The following KANK1 variants were observed in gnomAD, a reference collection of about 807,000 sequenced individuals.
KANK1 encodes the protein KN motif and ankyrin repeat domain-containing protein 1.
Under a neutral mutation model 106.2 loss-of-function variants are expected in KANK1, and 109 were observed. The observed-to-expected ratio is 1.03, with a 90% CI of 0.88 to 1.20. The LOEUF (loss-of-function observed/expected upper bound fraction) is 1.20. Ranked by LOEUF, KANK1 falls within the 50% of genes most tolerant of loss-of-function variation. KANK1 has a pLI of 0.00. For missense variants in KANK1, 2,399 were observed against 1,710.7 expected, an observed-to-expected ratio of 1.40 and a Z score of -7.10; for synonymous variants, 873 against 652.2, an observed-to-expected ratio of 1.34 and a Z score of -5.16.
chr9:722,912 A>T (rs1564080396), intron 3 of KANK1, among the ~76,000 whole-genome samples: 1 of 152,220 alleles, frequency 6.6e-6, no homozygotes, highest in African/African-American at 2.4e-5. Flanking sequence ...GAGACAGGGC[A>T]TATTTGAATC....
intron 1 of KANK1, among the ~76,000 whole-genome samples, chr9:506,457 C>T (rs996541109): frequency 2.0e-5 from 3 of 152,180 alleles, no homozygotes; most frequent in Admixed American, 6.5e-5. Flanking sequence ...GGGATGCTTT[C>T]TGGGCTCTAG....
intron 1 of KANK1, among the ~76,000 whole-genome samples, chr9:592,839 TTTTC>T (rs1408694318): frequency 2.6e-5 from 4 of 151,866 alleles, no homozygotes; most frequent in Admixed American, 2.6e-4. Context: ...TTATATTGTT[TTTTC>T]TTTCTTCTGT....
intron 1 of KANK1, among the ~76,000 whole-genome samples, chr9:618,814 T>A (rs925689045): frequency 2.6e-5 from 4 of 152,156 alleles, no homozygotes; most frequent in Non-Finnish European, 5.9e-5. Context: ...CGGTGTTTTC[T>A]CCTCTCATCG....
At chr9:735,094 C>G (rs912007269) in intron 7 of KANK1, among the ~76,000 whole-genome samples, 1 of 152,224 alleles carries the variant, frequency 6.6e-6, no homozygotes, top group South Asian at 2.1e-4. Context: ...GAGGCGTACA[C>G]TTGCAGACAG....
chr9:477,450 A>G (rs543260480), intron 3 of KANK1, among the ~76,000 whole-genome samples: 1 of 152,356 alleles, frequency 6.6e-6, no homozygotes, highest in Non-Finnish European at 1.5e-5. Context: ...CAGAACAATG[A>G]ACCTGAATTC....
rs552534759 is a variant in KANK1, at chr9:527,994, G to T, written c.-84+23240G>T. Among the ~76,000 whole-genome samples, 83 of 152,054 alleles carry T rather than the reference G, an allele frequency of 5.5e-4. No homozygotes were observed. In the Middle Eastern group the frequency reaches 0.01, roughly 19 times the overall value. On this transcript the variant is annotated intron_variant, in intron 1 of 11. Coordinates refer to ENST00000382297, the MANE Select transcript of KANK1 (RefSeq NM_015158.5). ...AAAATACAAAAAATTAGCCAGGCGT[G>T]GTGGCGGGCGCCTGTATAGTCCCAG...
intron 2 of KANK1, chr9:693,268 C>A: frequency 4.0e-6 from 2 of 504,822 alleles, no homozygotes; most frequent in Non-Finnish European, 5.1e-6. Context: ...CTCGGTTCAG[C>A]ATAAAACTCA....
intron 3 of KANK1, among the ~76,000 whole-genome samples, chr9:480,475 C>T (rs955256482): frequency 2.0e-5 from 3 of 152,132 alleles, no homozygotes; most frequent in Non-Finnish European, 2.9e-5. Context: ...ATGTCCTCTG[C>T]CTAAATAACA....
rs1399449068 is a variant in KANK1 at position 711,231 on chromosome 9, C to G, written c.465C>G (p.Thr155=). 3 of 1,614,144 alleles carry G rather than the reference C, an allele frequency of 1.9e-6. No individual in the cohort carries two copies. The highest frequency in any genetic ancestry group is 2.5e-6 in the Non-Finnish European group (3 of 1,180,026). The change falls in exon 3 of 12, where the codon ACC becomes ACG. Residue 155 remains threonine, a synonymous_variant. Coordinates refer to ENST00000382297, the MANE Select transcript of KANK1 (RefSeq NM_015158.5). ...TCCCAAAGCATAACCTTCATGTCAC[C>G]AAGACACTGATGGAGACCCGGAGAA... ...PQLPKHNLHV[T]KTLMETRRRL...
At chr9:628,906 C>T (rs967084773) in intron 1 of KANK1, among the ~76,000 whole-genome samples, 6 of 150,938 alleles carry the variant, frequency 4.0e-5, no homozygotes, top group African/African-American at 1.5e-4. Flanking sequence ...TGGCGAAACC[C>T]CATCTCTACT....
At chr9:644,189 C>T (rs1465746823) in intron 1 of KANK1, among the ~76,000 whole-genome samples, 1 of 150,948 alleles carries the variant, frequency 6.6e-6, no homozygotes, top group Non-Finnish European at 1.5e-5. Flanking sequence ...AGAAGTAGAG[C>T]AGATCCTATC....
intron 1 of KANK1, among the ~76,000 whole-genome samples, chr9:603,676 C>T (rs946991189): frequency 4.6e-5 from 7 of 151,562 alleles, no homozygotes; most frequent in African/African-American, 1.5e-4. Flanking sequence ...AAATGTAGGC[C>T]AGGCATGGTG....
intron 1 of KANK1, among the ~76,000 whole-genome samples, chr9:652,121 A>G (rs1841013770): frequency 6.6e-6 from 1 of 152,152 alleles, no homozygotes; most frequent in South Asian, 2.1e-4. Context: ...CATCTCACAG[A>G]TTCATTTCTT....
intron 1 of KANK1, among the ~76,000 whole-genome samples, chr9:586,250 G>A (rs1364046292): frequency 6.6e-6 from 1 of 152,194 alleles, no homozygotes; most frequent in Non-Finnish European, 1.5e-5. Context: ...CAGTGAGGAT[G>A]GAGAATGTTG....
intron 1 of KANK1, among the ~76,000 whole-genome samples, chr9:666,175 T>C (rs1317121858): frequency 2.0e-5 from 3 of 151,486 alleles, no homozygotes; most frequent in African/African-American, 7.3e-5. Context: ...AGCAAAACCC[T>C]GTCTCAAAAA....
chr9:596,742 A>G (rs984184133), intron 1 of KANK1, among the ~76,000 whole-genome samples: 3 of 151,722 alleles, frequency 2.0e-5, no homozygotes, highest in Non-Finnish European at 4.4e-5. Flanking sequence ...TTTTAATGAG[A>G]TGAAATTCAC....
intron 2 of KANK1, chr9:684,645 G>T: frequency 1.1e-6 from 1 of 914,886 alleles, no homozygotes. Flanking sequence ...GGCTAGCTGA[G>T]CCCATCAAAG....
intron 1 of KANK1, among the ~76,000 whole-genome samples, chr9:544,135 C>G (rs141441869): frequency 0.049 from 7,515 of 152,174 alleles, 201 homozygotes; most frequent in African/African-American, 0.06. Context: ...ATCTTCCCAC[C>G]TCAGCCTCCT....
intron 1 of KANK1, among the ~76,000 whole-genome samples, chr9:543,885 G>A (rs1007321143): frequency 1.3e-5 from 2 of 152,076 alleles, no homozygotes; most frequent in Admixed American, 1.3e-4. Flanking sequence ...TCTCTATTAG[G>A]AGGCTCCATA....
Sources: allele counts gnomAD v4.1 joint callset (sites outside exome capture counted in the v4.1 genomes callset), GRCh38; gene constraint gnomAD v4.1.1; transcripts MANE v1.5; gene names NCBI Gene and HGNC (gene_info 2026-07-23, HGNC 2026-07-21).